Variants in DPY19L1 observed in about 807,000 individuals in gnomAD.
The protein encoded by DPY19L1 is dpy-19 like C-mannosyltransferase 1, also known as protein C-mannosyl-transferase DPY19L1.
A neutral mutation model predicts 96.9 loss-of-function variants in DPY19L1; 35 were observed. The observed-to-expected ratio is 0.36, with a 90% CI of 0.28 to 0.48. The LOEUF is 0.48. Among genes scored for constraint, DPY19L1 ranks in the 20% least tolerant of loss-of-function variants. The probability of loss-of-function intolerance (pLI) is 0.99; values close to 1 mark genes in which losing one functional copy is unlikely to be tolerated. For missense variants in DPY19L1, 521 were observed against 777.9 expected, an observed-to-expected ratio of 0.67 and a Z score of 3.93; for synonymous variants, 205 against 252.6, an observed-to-expected ratio of 0.81 and a Z score of 1.79.
intron 14 of DPY19L1, 76 bp downstream of exon 14, chr7:34,949,721 G>T: frequency 1.1e-6 from 1 of 886,622 alleles, no homozygotes; most frequent in Non-Finnish European, 1.8e-6. Context: ...TAAAGAGTCT[G>T]ATATAAGAGG....
chr7:35,019,031 C>A (rs560288823), intron 1 of DPY19L1, among the ~76,000 whole-genome samples: 1 of 152,046 alleles, frequency 6.6e-6, no homozygotes, highest in Admixed American at 6.5e-5. Context: ...CAAATATTAA[C>A]CCGTGTCTTT....
At chr7:34,946,881 G>C (rs1275360409) in intron 15 of DPY19L1, among the ~76,000 whole-genome samples, 1 of 152,226 alleles carries the variant, frequency 6.6e-6, no homozygotes, top group Non-Finnish European at 1.5e-5. Flanking sequence ...ATGTGAAAAT[G>C]TTCTATACAA....
intron 3 of DPY19L1, among the ~76,000 whole-genome samples, chr7:35,016,002 TA>T (rs936608714): frequency 1.3e-5 from 2 of 151,694 alleles, no homozygotes; most frequent in Non-Finnish European, 1.5e-5. Flanking sequence ...ATCAAATAAG[TA>T]AAAAAAAATC....
intron 1 of DPY19L1, among the ~76,000 whole-genome samples, chr7:35,025,658 G>C (rs745531095): frequency 3.9e-5 from 6 of 152,114 alleles, no homozygotes; most frequent in Non-Finnish European, 8.8e-5. Context: ...TATAGAATAT[G>C]AATGATAATA....
chr7:34,988,540 T>C (rs1290344474), intron 7 of DPY19L1, among the ~76,000 whole-genome samples: 1 of 152,144 alleles, frequency 6.6e-6, no homozygotes, highest in Non-Finnish European at 1.5e-5. Context: ...TAAGAACATA[T>C]TAGCTAAGTA....
intron 6 of DPY19L1, among the ~76,000 whole-genome samples, chr7:34,999,982 A>C (rs1286072597): frequency 6.6e-6 from 1 of 152,226 alleles, no homozygotes; most frequent in Non-Finnish European, 1.5e-5. Context: ...AGGGTGGGGA[A>C]GACAGATGGG....
intron 6 of DPY19L1, among the ~76,000 whole-genome samples, chr7:34,992,882 C>T (rs913337805): frequency 6.6e-6 from 1 of 152,084 alleles, no homozygotes; most frequent in Non-Finnish European, 1.5e-5. Context: ...TGACTATGTG[C>T]CAACCTGTAT....
chr7:35,015,312 G>A lies in DPY19L1; in HGVS notation c.412-1607C>T, dbSNP rs1224125336. ...GTAATTTTACTGTATATCCCTAGTG[G>A]ACTATATCCTAAGGTTAAAATGGAG... On this transcript the variant is annotated intron_variant, in intron 3 of 21. Transcript: ENST00000638088. Among the ~76,000 whole-genome samples the A allele has an allele frequency of 1.2e-4, 19 of 152,090 alleles. 1 individual carries two copies. The highest frequency in any genetic ancestry group is 1.5e-5 in the Non-Finnish European group (1 of 68,004).
chr7:34,984,459 G>A (rs968227027), intron 7 of DPY19L1, among the ~76,000 whole-genome samples: 1 of 152,222 alleles, frequency 6.6e-6, no homozygotes, highest in African/African-American at 2.4e-5. Context: ...ATCAAAAATA[G>A]CCTGAAGAGT....
At chr7:34,941,668 T>C in intron 18 of DPY19L1, 97 bp downstream of exon 18, 1 of 913,448 alleles carries the variant, frequency 1.1e-6, no homozygotes, top group Non-Finnish European at 1.7e-6. Flanking sequence ...GCTTTAACTA[T>C]AATCACTTAA....
At chr7:34,978,417 A>G (rs942986207) in intron 7 of DPY19L1, among the ~76,000 whole-genome samples, 1 of 152,140 alleles carries the variant, frequency 6.6e-6, no homozygotes, top group African/African-American at 2.4e-5. Flanking sequence ...TGCTTCCTTA[A>G]AAGACTGCTG....
At chr7:34,947,815 A>G in intron 14 of DPY19L1, 114 bp from the exon 15 acceptor site, 1 of 779,430 alleles carries the variant, frequency 1.3e-6, no homozygotes, top group Non-Finnish European at 2.1e-6. Flanking sequence ...ACATTCACCA[A>G]TCTACTCACT....
At chr7:34,970,339 C>T (rs535875902) in intron 8 of DPY19L1, among the ~76,000 whole-genome samples, 7 of 152,292 alleles carry the variant, frequency 4.6e-5, no homozygotes, top group African/African-American at 1.7e-4. Context: ...AAGGACATCC[C>T]TCTCTGCTAT....
intron 3 of DPY19L1, among the ~76,000 whole-genome samples, chr7:35,015,368 GTTA>G (rs1486716931): frequency 1.3e-5 from 2 of 152,172 alleles, no homozygotes; most frequent in Admixed American, 1.3e-4. Flanking sequence ...GGTTTCACAA[GTTA>G]CAGGTCACAA....
intron 16 of DPY19L1, 100 bp from the exon 17 acceptor site, chr7:34,942,739 T>C: frequency 1.0e-6 from 1 of 965,118 alleles, no homozygotes; most frequent in Non-Finnish European, 1.6e-6. Flanking sequence ...ACAACTTCTA[T>C]AACATTCTCT....
intron 6 of DPY19L1, among the ~76,000 whole-genome samples, chr7:34,996,094 A>C (rs1274992323): frequency 6.6e-6 from 1 of 152,192 alleles, no homozygotes; most frequent in African/African-American, 2.4e-5. Flanking sequence ...ATTCTAACTG[A>C]AGTTATTTAC....
chr7:34,987,434 A>C (rs1785074300), intron 7 of DPY19L1, among the ~76,000 whole-genome samples: 2 of 152,126 alleles, frequency 1.3e-5, no homozygotes, highest in South Asian at 4.1e-4. Flanking sequence ...TTTTATAAAT[A>C]ATTTGTTCAG....
intron 21 of DPY19L1, among the ~76,000 whole-genome samples, chr7:34,934,002 C>T (rs867389167): frequency 6.6e-5 from 10 of 152,206 alleles, no homozygotes; most frequent in Middle Eastern, 3.4e-3. Flanking sequence ...TTCCCTCTGT[C>T]GCCCAGGCTG....
chr7:34,967,083 C>A, intron 9 of DPY19L1, 112 bp from the exon 10 acceptor site: 3 of 707,242 alleles, frequency 4.2e-6, no homozygotes, highest in Non-Finnish European at 4.2e-6. Context: ...AGAGTGAGTT[C>A]TTCTGTTTTC....
Sources: gnomAD v4.1 joint callset for allele counts (sites outside exome capture counted in the v4.1 genomes callset) on GRCh38, gnomAD v4.1.1 for gene constraint, MANE v1.5 for transcripts, NCBI Gene and HGNC (gene_info 2026-07-23, HGNC 2026-07-21) for gene names.